The following OXCT1 variants were observed in gnomAD, a reference collection of about 807,000 sequenced individuals.
OXCT1 encodes 3-oxoacid CoA-transferase 1, also known as succinyl-CoA:3-ketoacid coenzyme A transferase 1, mitochondrial.
In OXCT1, 27 loss-of-function variants were observed where a neutral mutation model predicts 69.6. That is an observed-to-expected ratio of 0.39 (90% CI 0.29 to 0.54). The LOEUF (loss-of-function observed/expected upper bound fraction) is 0.54, where lower values mean the gene tolerates loss of function less well. OXCT1 is among the 20% of genes least tolerant of loss of function. The pLI is 0.72. For missense variants in OXCT1, 437 were observed against 650.2 expected, an observed-to-expected ratio of 0.67 and a Z score of 3.57; for synonymous variants, 202 against 217.8, an observed-to-expected ratio of 0.93 and a Z score of 0.64.
At chr5:41,803,582 G>C (rs776271155) in intron 9 of OXCT1, among the ~76,000 whole-genome samples, 1 of 152,010 alleles carries the variant, frequency 6.6e-6, no homozygotes, top group Non-Finnish European at 1.5e-5. Context: ...TTGATAAATG[G>C]AGTTACCGTT....
intron 16 of OXCT1, 90 bp from the exon 17 acceptor site, chr5:41,731,860 C>A: frequency 2.8e-6 from 4 of 1,443,068 alleles, no homozygotes; most frequent in African/African-American, 1.4e-5. Flanking sequence ...ATCATGTAGG[C>A]AACAAGCAGC....
chr5:41,771,666 G>A (rs1039241606), intron 13 of OXCT1, among the ~76,000 whole-genome samples: 4 of 152,204 alleles, frequency 2.6e-5, no homozygotes, highest in African/African-American at 9.6e-5. Context: ...AGAAGGCATT[G>A]ATGGAAAGAG....
At chr5:41,776,482 T>C (rs1745128258) in intron 13 of OXCT1, among the ~76,000 whole-genome samples, 1 of 152,230 alleles carries the variant, frequency 6.6e-6, no homozygotes, top group South Asian at 2.1e-4. Context: ...TTCATCAAAA[T>C]GAAAACAAAA....
At chr5:41,750,446 T>A (rs1310530488) in intron 14 of OXCT1, among the ~76,000 whole-genome samples, 1 of 152,084 alleles carries the variant, frequency 6.6e-6, no homozygotes, top group Non-Finnish European at 1.5e-5. Flanking sequence ...GATCATTTTC[T>A]TCTGTTCATG....
At chr5:41,850,792 T>C (rs1749140363) in intron 4 of OXCT1, among the ~76,000 whole-genome samples, 1 of 152,244 alleles carries the variant, frequency 6.6e-6, no homozygotes, top group Non-Finnish European at 1.5e-5. Context: ...TATCTTCTTT[T>C]GATCATCATC....
rs548549775 is a variant in OXCT1, at chr5:41,760,611, G to A, written c.1338+1500C>T. ...AAATAAGTTGAACTTCAGTGCCTTC[G>A]TGTGTCAATATTAAGGTTCACAACA... On this transcript the variant is annotated intron_variant, in intron 14 of 16. Coordinates refer to ENST00000196371, the MANE Select transcript of OXCT1 (RefSeq NM_000436.4). Among the ~76,000 whole-genome samples the A allele has an allele frequency of 1.2e-4, 18 of 152,186 alleles. No individual in the cohort carries two copies. In the South Asian group the frequency reaches 2.7e-3, roughly 23 times the overall value.
Position 41,794,011 on chromosome 5 carries a change from T to A in OXCT1, c.1240A>T (p.Met414Leu). ...AAAAAATGTCTACTTACAGGTATCATCCAGTTAGCCAGGTCACCATATTTG... is the reference window on the plus strand; with the variant it reads ...AAAAAATGTCTACTTACAGGTATCAACCAGTTAGCCAGGTCACCATATTTG... The part of the protein sequence containing the change: ...VSKYGDLANW[M>L]IPGKMVKGMG... The change falls in exon 13 of 17, where the codon ATG becomes TTG. Residue 414 changes from methionine (M) to leucine (L), a missense_variant. Transcript: ENST00000196371. 2 of 1,601,298 alleles carry A rather than the reference T, an allele frequency of 1.2e-6. No individual in the cohort carries two copies. The highest frequency in any genetic ancestry group is 1.7e-6 in the Non-Finnish European group (2 of 1,168,302).
At chr5:41,742,305 A>G (rs541225441) in intron 15 of OXCT1, among the ~76,000 whole-genome samples, 2 of 152,318 alleles carry the variant, frequency 1.3e-5, no homozygotes, top group South Asian at 2.1e-4. Flanking sequence ...AAAATTGACA[A>G]AAATGGAGAC....
Position 41,850,074 on chromosome 5 carries a change from A to G in OXCT1, c.520T>C (p.Tyr174His). 6.2e-7 allele frequency: 1 copy of G among 1,613,920 alleles called. No individual in the cohort carries two copies. ...ATGGCAACACTGCCATCTTTGTTGT[A>G]TTTGATGGGCGATCCTCCTTCTTGT... ...LVQEGGSPIK[Y>H]NKDGSVAIAS... The change falls in exon 5 of 17, where the codon TAC (tyrosine) becomes CAC (histidine). Residue 174 changes from tyrosine to histidine, a missense_variant. By Grantham distance (83) the Tyr-to-His change is moderately conservative. Around this residue, in one of 4 missense-constraint regions of OXCT1, gnomAD observed 252 missense variants for 397.4 expected, o/e 0.63. Coordinates refer to ENST00000196371, the MANE Select transcript of OXCT1 (RefSeq NM_000436.4).
Position 41,842,664 on chromosome 5 carries a change from T to C in OXCT1, c.671+11A>G. ...TGATATGCACGAGTGTTTTTAAAAC[T>C]ATCACAATACCTGAAAATCACGTTT... is the stretch of plus-strand genomic sequence containing the variant. On this transcript the variant is annotated intron_variant, in intron 6 of 16. Coordinates refer to ENST00000196371, the MANE Select transcript of OXCT1 (RefSeq NM_000436.4). 2 of 1,588,760 alleles carry C rather than the reference T, an allele frequency of 1.3e-6. No individual in the cohort carries two copies. Among genetic ancestry groups the C allele is most frequent in the Non-Finnish European group, 1.7e-6 (2 of 1,156,848 alleles).
At chr5:41,849,497 T>C (rs1533014) in intron 5 of OXCT1, among the ~76,000 whole-genome samples, 59,016 of 152,054 alleles carry the variant, frequency 0.39, 14,206 homozygotes, top group African/African-American at 0.68. Flanking sequence ...CTACTCAGCA[T>C]TTTAAATAGA....
chr5:41,801,577 A>G (rs1746427763), intron 10 of OXCT1, among the ~76,000 whole-genome samples: 1 of 152,114 alleles, frequency 6.6e-6, no homozygotes, highest in African/African-American at 2.4e-5. Flanking sequence ...TATGCAGCCA[A>G]TGTTATTCAA....
At chr5:41,818,651 G>A (rs1184365560) in intron 7 of OXCT1, among the ~76,000 whole-genome samples, 2 of 151,954 alleles carry the variant, frequency 1.3e-5, no homozygotes, top group Non-Finnish European at 2.9e-5. Flanking sequence ...TTAATTTTTG[G>A]TTGTGTACCT....
At chr5:41,845,170 C>T (rs182775510) in intron 5 of OXCT1, among the ~76,000 whole-genome samples, 3 of 152,158 alleles carry the variant, frequency 2.0e-5, no homozygotes, top group Non-Finnish European at 4.4e-5. Flanking sequence ...GTTCCCCAAA[C>T]ACGGCAAGCC....
intron 7 of OXCT1, among the ~76,000 whole-genome samples, chr5:41,828,878 A>G (rs1227884082): frequency 6.6e-6 from 1 of 152,212 alleles, no homozygotes; most frequent in African/African-American, 2.4e-5. Context: ...TTTGCAGGGT[A>G]CACACTGTTA....
At chr5:41,758,555 C>T (rs1744196652) in intron 14 of OXCT1, among the ~76,000 whole-genome samples, 1 of 148,278 alleles carries the variant, frequency 6.7e-6, no homozygotes, top group South Asian at 2.1e-4. Flanking sequence ...GAGGGAGCCA[C>T]TGAGTGAAAA....
At chr5:41,819,521 C>T (rs1462801836) in intron 7 of OXCT1, among the ~76,000 whole-genome samples, 3 of 152,084 alleles carry the variant, frequency 2.0e-5, no homozygotes, top group African/African-American at 7.2e-5. Context: ...CAGGCATGCG[C>T]CACCACACCA....
chr5:41,762,587 C>A lies in OXCT1; in HGVS notation c.1249-387G>T, dbSNP rs1744402551. ...AACACAATCAACTCTACTGAGTCTT[C>A]AATTAAGGGCACTTTCTAAAGTACT... On this transcript the variant is annotated intron_variant, in intron 13 of 16. Transcript: ENST00000196371. This position sits in a 1 kb window ranked among gnomAD's most constrained non-coding sequence, Gnocchi z 4.0. Among the ~76,000 whole-genome samples the A allele has an allele frequency of 6.6e-6, 1 of 152,076 alleles. No homozygotes were observed. The highest frequency in any genetic ancestry group is 1.5e-5 in the Non-Finnish European group (1 of 68,002).
At chr5:41,754,256 A>G (rs917418883) in intron 14 of OXCT1, among the ~76,000 whole-genome samples, 4 of 152,084 alleles carry the variant, frequency 2.6e-5, no homozygotes, top group African/African-American at 9.7e-5. Flanking sequence ...TTGCCAAAAT[A>G]TCATGGATGA....
Sources: gnomAD v4.1 joint callset for allele counts (sites outside exome capture counted in the v4.1 genomes callset) on GRCh38, gnomAD v4.1.1 for gene constraint, gnomAD v4.1.1 regional missense constraint, Gnocchi (gnomAD v3.1) non-coding constraint, MANE v1.5 for transcripts, NCBI Gene and HGNC (gene_info 2026-07-23, HGNC 2026-07-21) for gene names.